The following TMEFF2 variants were observed in gnomAD, a reference collection of about 807,000 sequenced individuals.
TMEFF2 encodes the protein tomoregulin-2.
TMEFF2 carries 28 observed loss-of-function variants against 53.8 expected under a neutral mutation model. That is an observed-to-expected ratio of 0.52 (90% CI 0.39 to 0.71). TMEFF2 has a LOEUF of 0.71. TMEFF2 is among the 30% of genes least tolerant of loss of function. TMEFF2 has a pLI of 0.00. For synonymous variants in TMEFF2, 162 were observed against 166.3 expected (o/e 0.97, Z 0.20); for missense variants, 353 against 455.2 (o/e 0.78, Z 2.04).
intron 4 of TMEFF2, among the ~76,000 whole-genome samples, chr2:192,158,937 T>C (rs143416778): frequency 6.8e-4 from 104 of 152,206 alleles, no homozygotes; most frequent in African/African-American, 2.3e-3. Flanking sequence ...CCCTATTGAC[T>C]ACCTAACATA....
intron 5 of TMEFF2, among the ~76,000 whole-genome samples, chr2:192,023,003 T>TA (rs1559088114): frequency 6.6e-6 from 1 of 151,924 alleles, no homozygotes; most frequent in Non-Finnish European, 1.5e-5. Context: ...AAGATTTTTT[T>TA]ATCTTTTTTT....
Position 192,175,020 on chromosome 2 carries a change from G to A in TMEFF2, c.439+4648C>T, listed in dbSNP as rs1300062796. On this transcript the variant is annotated intron_variant, in intron 4 of 9. Coordinates refer to ENST00000272771, the MANE Select transcript of TMEFF2 (RefSeq NM_016192.4). ...ATATTTAACATTTTATTTCTTCAGA[G>A]GAATAATTTTCTTTTCATAATTAGA... 3.3e-5 allele frequency among the ~76,000 whole-genome samples: 5 copies of A among 151,710 alleles called. No homozygotes were observed. The East Asian group carries it at 9.7e-4, about 29-fold the overall frequency.
intron 4 of TMEFF2, among the ~76,000 whole-genome samples, chr2:192,064,565 G>A (rs774256857): frequency 6.6e-6 from 1 of 151,688 alleles, no homozygotes; most frequent in Non-Finnish European, 1.5e-5. Context: ...AACACTTTTG[G>A]CATATGATGC....
chr2:192,175,400 C>G (rs1011972381), intron 4 of TMEFF2, among the ~76,000 whole-genome samples: 1 of 151,488 alleles, frequency 6.6e-6, no homozygotes, highest in African/African-American at 2.4e-5. Flanking sequence ...TTATGGACAT[C>G]TTTGGTAATG....
chr2:192,126,349 C>T (rs1689678745), intron 4 of TMEFF2, among the ~76,000 whole-genome samples: 1 of 152,124 alleles, frequency 6.6e-6, no homozygotes, highest in South Asian at 2.1e-4. Flanking sequence ...CTTTTAATTG[C>T]TAATACATCT....
chr2:192,166,246 C>G (rs189171849), intron 4 of TMEFF2, among the ~76,000 whole-genome samples: 1 of 152,212 alleles, frequency 6.6e-6, no homozygotes, highest in East Asian at 1.9e-4. Flanking sequence ...GTTCTTCTAC[C>G]TCCCCTCAGG....
At chr2:191,994,655 C>T (rs1686181665) in intron 7 of TMEFF2, among the ~76,000 whole-genome samples, 1 of 151,716 alleles carries the variant, frequency 6.6e-6, no homozygotes, top group African/African-American at 2.4e-5. Flanking sequence ...TAAAAACTTC[C>T]CAAAGGACAG....
chr2:192,056,021 A>G (rs887528638), intron 5 of TMEFF2, among the ~76,000 whole-genome samples: 14 of 152,122 alleles, frequency 9.2e-5, no homozygotes, highest in African/African-American at 3.1e-4. Flanking sequence ...AGTTTACCCT[A>G]AGAACCACCA....
chr2:192,076,896 G>A (rs1370322415), intron 4 of TMEFF2, among the ~76,000 whole-genome samples: 3 of 152,178 alleles, frequency 2.0e-5, no homozygotes, highest in African/African-American at 7.2e-5. Flanking sequence ...TGAAGATCAA[G>A]CTCAGGGCTC....
intron 7 of TMEFF2, among the ~76,000 whole-genome samples, chr2:191,996,018 G>C (rs910325171): frequency 2.1e-5 from 3 of 143,744 alleles, no homozygotes; most frequent in Admixed American, 6.9e-5. Context: ...AAAGCAGTAA[G>C]ATAGGAAAAA....
At chr2:192,068,595 C>A in intron 4 of TMEFF2, among the ~76,000 whole-genome samples, 1 of 151,750 alleles carries the variant, frequency 6.6e-6, no homozygotes, top group African/African-American at 2.4e-5. Flanking sequence ...GTGCACTGGA[C>A]TTTGGATAAA....
At chr2:191,955,524 A>ATTTCTTTTTTTTTTT (rs1692048854) in intron 8 of TMEFF2, among the ~76,000 whole-genome samples, 1 of 60,304 alleles carries the variant, frequency 1.7e-5, no homozygotes, top group African/African-American at 6.6e-5. Context: ...CTAATTCTTA[A>ATTTCTTTTTTTTTTT]TTTTTTTTTT....
intron 5 of TMEFF2, among the ~76,000 whole-genome samples, chr2:192,024,460 T>G (rs1686923859): frequency 6.6e-6 from 1 of 152,226 alleles, no homozygotes; most frequent in Non-Finnish European, 1.5e-5. Context: ...AATAGAGCTG[T>G]GTCAGGCATG....
chr2:192,077,933 G>T (rs1688470915), intron 4 of TMEFF2, among the ~76,000 whole-genome samples: 2 of 152,042 alleles, frequency 1.3e-5, no homozygotes, highest in South Asian at 4.1e-4. Context: ...CCACCCCCGT[G>T]TGTGAATTCT....
intron 4 of TMEFF2, among the ~76,000 whole-genome samples, chr2:192,087,187 A>G (rs1688687062): frequency 6.6e-6 from 1 of 152,050 alleles, no homozygotes; most frequent in Admixed American, 6.6e-5. Flanking sequence ...ATTCAGAAAA[A>G]CGATAGAGTA....
intron 4 of TMEFF2, among the ~76,000 whole-genome samples, chr2:192,076,396 T>G (rs771960488): frequency 6.6e-6 from 1 of 152,136 alleles, no homozygotes; most frequent in Non-Finnish European, 1.5e-5. Flanking sequence ...TCTAAATCTT[T>G]ATTTACTTAA....
At chr2:192,086,924 TAAG>T (rs1574360474) in intron 4 of TMEFF2, among the ~76,000 whole-genome samples, 1 of 152,002 alleles carries the variant, frequency 6.6e-6, no homozygotes, top group African/African-American at 2.4e-5. Context: ...AGATTGGATT[TAAG>T]AAGAAAATAA....
intron 1 of TMEFF2, among the ~76,000 whole-genome samples, chr2:192,193,156 A>T (rs1480917297): frequency 6.6e-6 from 1 of 152,218 alleles, no homozygotes; most frequent in African/African-American, 2.4e-5. Flanking sequence ...TTCAGCTTAT[A>T]TACATCTTTG....
At chr2:192,040,653 G>A (rs1017392140) in intron 5 of TMEFF2, among the ~76,000 whole-genome samples, 6 of 152,098 alleles carry the variant, frequency 3.9e-5, no homozygotes, top group African/African-American at 1.4e-4. Flanking sequence ...GCTCACAGTA[G>A]TTCTTCTGCT....
Sources: gnomAD v4.1 joint callset for allele counts (sites outside exome capture counted in the v4.1 genomes callset) on GRCh38, gnomAD v4.1.1 for gene constraint, MANE v1.5 for transcripts, NCBI Gene and HGNC (gene_info 2026-07-23, HGNC 2026-07-21) for gene names.